RYR2: variants seen among roughly 807,000 people sequenced by gnomAD.
RYR2 encodes the protein cardiac muscle ryanodine receptor-calcium release channel.
A neutral mutation model predicts 601.1 loss-of-function variants in RYR2; 227 were observed. The observed-to-expected ratio is 0.38, with a 90% CI of 0.34 to 0.42. The LOEUF is 0.42. Among genes scored for constraint, RYR2 ranks in the 10% least tolerant of loss-of-function variants. The probability of loss-of-function intolerance (pLI) is 1.00; values close to 1 mark genes in which losing one functional copy is unlikely to be tolerated. For synonymous variants in RYR2, 2,223 were observed against 2,175.1 expected (o/e 1.02, Z -0.61); for missense variants, 4,646 against 6,156.5 (o/e 0.75, Z 8.21).
intron 8 of RYR2, among the ~76,000 whole-genome samples, chr1:237,380,150 C>T (rs891153374): frequency 2.0e-5 from 3 of 150,880 alleles, no homozygotes; most frequent in Non-Finnish European, 2.9e-5. Context: ...TGGATAGTAG[C>T]GGGTATATGA....
intron 27 of RYR2, among the ~76,000 whole-genome samples, chr1:237,563,798 A>G (rs1198850992): frequency 2.6e-5 from 4 of 152,156 alleles, no homozygotes; most frequent in Non-Finnish European, 4.4e-5. Context: ...TAATATTAAA[A>G]TTAGTTTGCA....
chr1:237,507,817 A>T (rs2805426), intron 23 of RYR2, among the ~76,000 whole-genome samples: 2 of 152,162 alleles, frequency 1.3e-5, no homozygotes, highest in South Asian at 2.1e-4. Context: ...AGGTTTTCTA[A>T]GACAGAATTT....
chr1:237,718,435 T>C lies in RYR2; in HGVS notation c.10495-27T>C, dbSNP rs552777035. 7.7e-6 allele frequency: 10 copies of C among 1,299,578 alleles called. No individual in the cohort carries two copies. The Admixed American group carries it at 1.6e-4, about 20-fold the overall frequency. 80.5% of individuals were successfully genotyped at this position (1,299,578 alleles called of 1,614,324 possible). ...GACAGTTGATGCAATAGAAGACTCCTTTTAGGTAACATATATTTCTTGACA... is the reference window on the plus strand; with the variant it reads ...GACAGTTGATGCAATAGAAGACTCCCTTTAGGTAACATATATTTCTTGACA... On this transcript the variant is annotated intron_variant, in intron 72 of 104. Transcript: ENST00000366574.
At chr1:237,355,268 C>G (rs1201053508) in intron 3 of RYR2, among the ~76,000 whole-genome samples, 1 of 152,032 alleles carries the variant, frequency 6.6e-6, no homozygotes, top group Non-Finnish European at 1.5e-5. Context: ...ATTTTTTATT[C>G]TGATTTATTT....
chr1:237,259,367 G>T (rs902333978), intron 1 of RYR2, among the ~76,000 whole-genome samples: 1 of 151,914 alleles, frequency 6.6e-6, no homozygotes, highest in Non-Finnish European at 1.5e-5. Flanking sequence ...AATTAGCCAG[G>T]CATGGTGCTG....
intron 23 of RYR2, among the ~76,000 whole-genome samples, chr1:237,511,190 A>T (rs1665857158): frequency 6.6e-6 from 1 of 152,244 alleles, no homozygotes; most frequent in African/African-American, 2.4e-5. Flanking sequence ...GGACACATCA[A>T]AGAACAAAAG....
chr1:237,670,061 C>T (rs532316709), intron 58 of RYR2, among the ~76,000 whole-genome samples: 8 of 152,240 alleles, frequency 5.3e-5, no homozygotes, highest in South Asian at 2.1e-4. Flanking sequence ...CCGAGGCTGG[C>T]GGATCACTTG....
chr1:237,375,804 A>G (rs1189327642), intron 7 of RYR2, among the ~76,000 whole-genome samples: 1 of 152,210 alleles, frequency 6.6e-6, no homozygotes, highest in Non-Finnish European at 1.5e-5. Flanking sequence ...ACACAGTTAA[A>G]TGAGAAAGTT....
chr1:237,730,732 C>T (rs1690606128), intron 77 of RYR2, among the ~76,000 whole-genome samples: 1 of 151,972 alleles, frequency 6.6e-6, no homozygotes, highest in Non-Finnish European at 1.5e-5. Flanking sequence ...AGAAGGTGAA[C>T]AAAAAATTGC....
At chr1:237,337,981 G>A (rs1342288143) in intron 3 of RYR2, among the ~76,000 whole-genome samples, 1 of 152,100 alleles carries the variant, frequency 6.6e-6, no homozygotes, top group Non-Finnish European at 1.5e-5. Context: ...TGCTTCCAGG[G>A]ACTCTAGGGA....
At chr1:237,588,610 A>G (rs1013645186) in intron 29 of RYR2, among the ~76,000 whole-genome samples, 11 of 152,180 alleles carry the variant, frequency 7.2e-5, no homozygotes, top group African/African-American at 2.7e-4. Context: ...AGGCAGGCAG[A>G]TCACCTGAGG....
chr1:237,290,391 GTTT>G (rs2149416950), intron 2 of RYR2, among the ~76,000 whole-genome samples: 1 of 152,246 alleles, frequency 6.6e-6, no homozygotes, highest in Admixed American at 6.5e-5. Context: ...ACTTGCAAAT[GTTT>G]TTATTCCATA....
At chr1:237,654,878 G>A (rs936417577) in intron 52 of RYR2, among the ~76,000 whole-genome samples, 9 of 152,222 alleles carry the variant, frequency 5.9e-5, no homozygotes, top group African/African-American at 9.6e-5. Context: ...CATTGCATAT[G>A]TGGCATTGCC....
chr1:237,427,156 C>T lies in RYR2; in HGVS notation c.1005+3908C>T, dbSNP rs1023148626. ...GGAACACGCTACCTTCTTCATCATG[C>T]GTAATCCAGCCTAATAAAAAGAAGT... On this transcript the variant is annotated intron_variant, in intron 12 of 104. Coordinates refer to ENST00000366574, the MANE Select transcript of RYR2 (RefSeq NM_001035.3). 6.6e-5 allele frequency among the ~76,000 whole-genome samples: 10 copies of T among 152,146 alleles called. No homozygotes were observed. The East Asian group carries it at 1.2e-3, about 18-fold the overall frequency.
At chr1:237,471,167 G>A (rs1274543634) in intron 17 of RYR2, 1 of 154,354 alleles carries the variant, frequency 6.5e-6, no homozygotes, top group East Asian at 1.9e-4. Context: ...TGGCTGGCAA[G>A]GAGACGGGAA....
At chr1:237,204,502 A>C (rs1229868801) in intron 1 of RYR2, among the ~76,000 whole-genome samples, 2 of 118,662 alleles carry the variant, frequency 1.7e-5, no homozygotes, top group African/African-American at 7.1e-5. Context: ...AAAAACAAAA[A>C]CAAAAAAAAA....
At chr1:237,498,416 T>C (rs1034607640) in intron 20 of RYR2, among the ~76,000 whole-genome samples, 2 of 152,150 alleles carry the variant, frequency 1.3e-5, no homozygotes, top group Non-Finnish European at 2.9e-5. Flanking sequence ...AAACACAAAA[T>C]AGGGCTAAAG....
chr1:237,288,152 C>T (rs2860125), intron 2 of RYR2, among the ~76,000 whole-genome samples: 128,616 of 152,170 alleles, frequency 0.85, 54,694 homozygotes, highest in South Asian at 0.89. Context: ...CACAGAGTCC[C>T]ATGATGTGAA....
chr1:237,151,871 A>G (rs1253893041), intron 1 of RYR2, among the ~76,000 whole-genome samples: 2 of 152,104 alleles, frequency 1.3e-5, no homozygotes, highest in African/African-American at 2.4e-5. Context: ...TTTAAGTTCC[A>G]GGATACATGT....
Sources: allele counts gnomAD v4.1 joint callset (sites outside exome capture counted in the v4.1 genomes callset), GRCh38; gene constraint gnomAD v4.1.1; transcripts MANE v1.5; gene names NCBI Gene and HGNC (gene_info 2026-07-23, HGNC 2026-07-21).